Variants in PPP1R1C observed in about 807,000 individuals in gnomAD.
The protein encoded by PPP1R1C is protein phosphatase 1 regulatory inhibitor subunit 1C.
In PPP1R1C, 15 loss-of-function variants were observed where a neutral mutation model predicts 17.4. The observed-to-expected ratio is 0.86, with a 90% CI of 0.58 to 1.33. PPP1R1C has a LOEUF of 1.33. Ranked by LOEUF, PPP1R1C falls within the 40% of genes most tolerant of loss-of-function variation. PPP1R1C has a pLI of 0.00. For missense variants in PPP1R1C, 143 were observed against 130.0 expected (o/e 1.10, Z -0.48); for synonymous variants, 35 against 43.1 (o/e 0.81, Z 0.73).
At chr2:182,037,227 A>G (rs896726121) in intron 2 of PPP1R1C, among the ~76,000 whole-genome samples, 3 of 152,232 alleles carry the variant, frequency 2.0e-5, no homozygotes, top group Non-Finnish European at 2.9e-5. Context: ...GTTTTCTACA[A>G]GAGAAATTCT....
At chr2:182,126,707 T>C (rs1304125761) in intron 5 of PPP1R1C, among the ~76,000 whole-genome samples, 1 of 151,984 alleles carries the variant, frequency 6.6e-6, no homozygotes, top group Non-Finnish European at 1.5e-5. Context: ...ACCGTAGGTC[T>C]TTCCTTGACA....
At position 181,986,050 on chromosome 2, in the gene PPP1R1C, A is replaced by G. The variant is rs147598832; in HGVS notation, c.-61A>G. Reference sequence around the variant, plus strand: ...GTGTGTCTGAGGAAACACATCCCGGACACCACTTAGGGTTAGTCTTTCTGA... The same window carrying G: ...GTGTGTCTGAGGAAACACATCCCGGGCACCACTTAGGGTTAGTCTTTCTGA... On this transcript the variant is annotated 5_prime_UTR_variant, in exon 1 of 5. Coordinates refer to ENST00000682840, the MANE Select transcript of PPP1R1C (RefSeq NM_001080545.3). The G allele has an allele frequency of 1.9e-5, 25 of 1,307,548 alleles. No individual in the cohort carries two copies. In the Admixed American group the frequency reaches 3.9e-4, roughly 20 times the overall value. 81.0% of individuals were successfully genotyped at this position (1,307,548 alleles called of 1,614,324 possible).
intron 4 of PPP1R1C, among the ~76,000 whole-genome samples, chr2:182,080,880 A>G (rs768130229): frequency 6.6e-6 from 1 of 152,344 alleles, no homozygotes. Flanking sequence ...TTCCCTAATC[A>G]TAAAGGTACA....
At chr2:182,110,492 T>C (rs1216682779) in intron 4 of PPP1R1C, among the ~76,000 whole-genome samples, 2 of 152,096 alleles carry the variant, frequency 1.3e-5, no homozygotes, top group East Asian at 3.9e-4. Flanking sequence ...AGCTGGGTGA[T>C]TGAATTATGT....
At chr2:182,076,605 C>A (rs777720218) in intron 4 of PPP1R1C, among the ~76,000 whole-genome samples, 2 of 151,458 alleles carry the variant, frequency 1.3e-5, no homozygotes, top group South Asian at 2.1e-4. Context: ...TCAATCAGAA[C>A]CCCCCCACCC....
rs535510354 is a variant in PPP1R1C at position 181,964,080 on chromosome 2, C to T, written n.111+9446C>T. 8.5e-5 allele frequency among the ~76,000 whole-genome samples: 13 copies of T among 152,156 alleles called. No homozygotes were observed. In the South Asian group the frequency reaches 1.2e-3, roughly 15 times the overall value. On this transcript the variant is annotated intron_variant and non_coding_transcript_variant, in intron 1 of 5. Transcript: ENST00000464264. ...TATTCTATATAAATATATTTTTGTA[C>T]GCATTAACCAGCCCTACTCCCTCAC...
chr2:181,990,090 T>C (rs1685414812), intron 2 of PPP1R1C, among the ~76,000 whole-genome samples: 1 of 151,650 alleles, frequency 6.6e-6, no homozygotes, highest in Admixed American at 6.6e-5. Flanking sequence ...GATACTGGTC[T>C]TAACTAGCCA....
intron 4 of PPP1R1C, among the ~76,000 whole-genome samples, chr2:182,115,776 A>T (rs1427358952): frequency 6.6e-6 from 1 of 152,200 alleles, no homozygotes; most frequent in Non-Finnish European, 1.5e-5. Flanking sequence ...CAAGGACGTC[A>T]CTGTTTGCCA....
intron 1 of PPP1R1C, among the ~76,000 whole-genome samples, chr2:181,968,981 A>G (rs1684955945): frequency 6.6e-6 from 1 of 152,180 alleles, no homozygotes; most frequent in South Asian, 2.1e-4. Flanking sequence ...GAAAACAAAT[A>G]AAATCTGTAA....
At chr2:182,070,026 C>G (rs1688096316) in intron 4 of PPP1R1C, among the ~76,000 whole-genome samples, 6 of 152,136 alleles carry the variant, frequency 3.9e-5, no homozygotes, top group Admixed American at 3.9e-4. Flanking sequence ...GGAGACCAGT[C>G]TGGAGGAAGC....
intron 1 of PPP1R1C, among the ~76,000 whole-genome samples, chr2:181,987,175 A>G (rs2125139578): frequency 6.6e-6 from 1 of 152,150 alleles, no homozygotes; most frequent in East Asian, 1.9e-4. Flanking sequence ...TACTTTGGGT[A>G]TTTACCCATA....
chr2:181,983,976 C>A (rs1440415577), upstream of PPP1R1C, among the ~76,000 whole-genome samples: 1 of 152,116 alleles, frequency 6.6e-6, no homozygotes, highest in African/African-American at 2.4e-5. Context: ...CAAAATAGGG[C>A]AATTAGTTAA....
chr2:182,066,841 C>T (rs1687995758), intron 4 of PPP1R1C, among the ~76,000 whole-genome samples: 2 of 152,032 alleles, frequency 1.3e-5, no homozygotes, highest in Admixed American at 6.6e-5. Flanking sequence ...ATTTACAGAA[C>T]AGCCAATTAA....
intron 2 of PPP1R1C, among the ~76,000 whole-genome samples, chr2:182,008,837 A>T (rs1686005670): frequency 6.6e-6 from 1 of 152,082 alleles, no homozygotes; most frequent in Non-Finnish European, 1.5e-5. Flanking sequence ...CTCCATCACC[A>T]TGTGTTTGTT....
chr2:182,010,795 C>T (rs1686068197), intron 2 of PPP1R1C, among the ~76,000 whole-genome samples: 1 of 151,918 alleles, frequency 6.6e-6, no homozygotes, highest in African/African-American at 2.4e-5. Flanking sequence ...GAGGTATGTA[C>T]CTTCTATTCC....
chr2:182,073,915 T>C (rs1688212479), intron 4 of PPP1R1C, among the ~76,000 whole-genome samples: 1 of 152,202 alleles, frequency 6.6e-6, no homozygotes, highest in Non-Finnish European at 1.5e-5. Context: ...GTTGGGATTG[T>C]ATCCCGAGAC....
intron 3 of PPP1R1C, among the ~76,000 whole-genome samples, chr2:182,062,693 C>T (rs770833819): frequency 2.0e-5 from 3 of 152,052 alleles, no homozygotes; most frequent in African/African-American, 4.8e-5. Flanking sequence ...TCGATGATAC[C>T]TTTGAGGGCA....
chr2:182,008,091 A>AAT (rs1553502680), intron 2 of PPP1R1C, among the ~76,000 whole-genome samples: 2 of 129,210 alleles, frequency 1.5e-5, no homozygotes, highest in African/African-American at 5.0e-5. Context: ...AAATAAATAA[A>AAT]AAAATAAAAT....
chr2:182,040,403 G>C (rs1002132826), intron 2 of PPP1R1C, among the ~76,000 whole-genome samples: 9 of 152,176 alleles, frequency 5.9e-5, no homozygotes, highest in Non-Finnish European at 1.3e-4. Flanking sequence ...CTGATGATTA[G>C]TGATATTGAG....
Sources: gnomAD v4.1 joint callset for allele counts (sites outside exome capture counted in the v4.1 genomes callset) on GRCh38, gnomAD v4.1.1 for gene constraint, MANE v1.5 for transcripts, NCBI Gene and HGNC (gene_info 2026-07-23, HGNC 2026-07-21) for gene names.